AGBL4: variants seen among roughly 807,000 people sequenced by gnomAD.
The protein encoded by AGBL4 is cytosolic carboxypeptidase 6.
Under a neutral mutation model 66.4 loss-of-function variants are expected in AGBL4, and 58 were observed. The ratio of observed to expected loss-of-function variants is 0.87; its 90% confidence interval spans 0.71 to 1.09. The LOEUF is 1.09. Among genes scored for constraint, AGBL4 ranks in the 50% least tolerant of loss-of-function variants. AGBL4 has a pLI of 0.00. For synonymous variants in AGBL4, 234 were observed against 222.9 expected, an observed-to-expected ratio of 1.05 and a Z score of -0.44; for missense variants, 579 against 631.0, an observed-to-expected ratio of 0.92 and a Z score of 0.88.
chr1:49,015,282 G>C (rs1307016685), intron 5 of AGBL4, among the ~76,000 whole-genome samples: 1 of 152,042 alleles, frequency 6.6e-6, no homozygotes, highest in African/African-American at 2.4e-5. Flanking sequence ...GCTATCTAAA[G>C]CTGGGGGAAT....
chr1:49,338,332 A>AGCC (rs1450666045), intron 3 of AGBL4, among the ~76,000 whole-genome samples: 3 of 152,224 alleles, frequency 2.0e-5, no homozygotes, highest in Non-Finnish European at 4.4e-5. Context: ...AAATTTACTT[A>AGCC]TTAAGATAGA....
intron 2 of AGBL4, among the ~76,000 whole-genome samples, chr1:49,716,031 C>A (rs1383149483): frequency 2.6e-5 from 4 of 152,080 alleles, no homozygotes; most frequent in Non-Finnish European, 4.4e-5. Context: ...TTGCCCATGC[C>A]TATCTCTTGA....
rs888989959 is a variant in AGBL4, at chr1:49,442,076, C to A, written c.283-196212G>T. Among the ~76,000 whole-genome samples the A allele has an allele frequency of 8.5e-5, 13 of 152,076 alleles. 1 individual carries two copies. Among genetic ancestry groups the A allele is most frequent in the Admixed American group, 8.5e-4 (13 of 15,264 alleles). On this transcript the variant is annotated intron_variant, in intron 3 of 13. Coordinates refer to ENST00000371839, the MANE Select transcript of AGBL4 (RefSeq NM_032785.4). ...TGGTAGCAGATTTACTATAATGGAT[C>A]CAGTAGGAGATCCAGTGTTGTCTTA...
At chr1:49,038,824 T>C (rs1193990826) in intron 5 of AGBL4, among the ~76,000 whole-genome samples, 1 of 152,066 alleles carries the variant, frequency 6.6e-6, no homozygotes, top group Non-Finnish European at 1.5e-5. Flanking sequence ...ACTCTTACCA[T>C]ACAATCCAGC....
chr1:49,444,203 C>T (rs1244099335), intron 3 of AGBL4, among the ~76,000 whole-genome samples: 1 of 151,794 alleles, frequency 6.6e-6, no homozygotes, highest in Non-Finnish European at 1.5e-5. Flanking sequence ...GGAGAATGTT[C>T]CATATGTTGA....
intron 6 of AGBL4, among the ~76,000 whole-genome samples, chr1:48,712,135 C>A (rs1003748049): frequency 4.6e-5 from 7 of 152,220 alleles, no homozygotes; most frequent in African/African-American, 1.7e-4. Context: ...CTTCTCCCCC[C>A]AGGAAGGGGC....
intron 6 of AGBL4, among the ~76,000 whole-genome samples, chr1:48,665,663 G>A (rs1419626451): frequency 6.6e-6 from 1 of 152,084 alleles, no homozygotes; most frequent in Non-Finnish European, 1.5e-5. Context: ...AACAATATAA[G>A]ATTCCACTTC....
intron 3 of AGBL4, among the ~76,000 whole-genome samples, chr1:49,480,567 ATT>A (rs1370522474): frequency 1.3e-5 from 2 of 151,024 alleles, no homozygotes; most frequent in East Asian, 3.9e-4. Flanking sequence ...GTTTGCAAAT[ATT>A]TTCTTTCATT....
At chr1:48,911,316 A>G (rs1385805951) in intron 5 of AGBL4, among the ~76,000 whole-genome samples, 2 of 152,250 alleles carry the variant, frequency 1.3e-5, no homozygotes, top group South Asian at 4.1e-4. Flanking sequence ...TTGTCTATAA[A>G]TTAGAAATCA....
intron 1 of AGBL4, among the ~76,000 whole-genome samples, chr1:50,010,739 T>C (rs985828051): frequency 6.6e-6 from 1 of 152,164 alleles, no homozygotes; most frequent in Admixed American, 6.5e-5. Flanking sequence ...CTTCAGTAAA[T>C]GGTGCTAGGA....
intron 5 of AGBL4, among the ~76,000 whole-genome samples, chr1:48,960,688 G>A (rs1207565959): frequency 6.6e-6 from 1 of 152,100 alleles, no homozygotes; most frequent in Non-Finnish European, 1.5e-5. Context: ...AAAAGCTTCT[G>A]GTTTTATTAC....
intron 5 of AGBL4, among the ~76,000 whole-genome samples, chr1:49,007,911 C>A (rs576777043): frequency 1.3e-5 from 2 of 150,558 alleles, no homozygotes; most frequent in Non-Finnish European, 3.0e-5. Context: ...CAGTACCAGC[C>A]ACTGCAAAAT....
At chr1:48,729,774 G>A (rs1384740120) in intron 6 of AGBL4, among the ~76,000 whole-genome samples, 3 of 147,508 alleles carry the variant, frequency 2.0e-5, no homozygotes, top group Non-Finnish European at 4.4e-5. Context: ...TCTTTCCACC[G>A]AGAAGGGTTT....
At chr1:49,036,724 ATTT>A (rs35463441) in intron 5 of AGBL4, among the ~76,000 whole-genome samples, 10 of 139,336 alleles carry the variant, frequency 7.2e-5, no homozygotes, top group Admixed American at 7.2e-5. Context: ...TGCTCAGCTA[ATTT>A]TTTTTTTTTT....
intron 3 of AGBL4, among the ~76,000 whole-genome samples, chr1:49,289,023 G>C (rs1333733945): frequency 2.0e-5 from 3 of 151,982 alleles, no homozygotes; most frequent in African/African-American, 7.2e-5. Context: ...CACAGAGAGA[G>C]AGAGAGAGAA....
At chr1:48,955,040 G>C (rs1215219069) in intron 5 of AGBL4, among the ~76,000 whole-genome samples, 1 of 152,134 alleles carries the variant, frequency 6.6e-6, no homozygotes, top group Non-Finnish European at 1.5e-5. Context: ...AGAGGGATGA[G>C]AAGATTCAGA....
chr1:49,175,019 T>G (rs796665686), intron 4 of AGBL4: 5 of 152,220 alleles, frequency 3.3e-5, no homozygotes, highest in African/African-American at 1.2e-4. Context: ...AGGTTTGAAG[T>G]CATCCAAAAA....
chr1:49,149,251 T>C (rs183482392), intron 4 of AGBL4, among the ~76,000 whole-genome samples: 21 of 152,330 alleles, frequency 1.4e-4, no homozygotes, highest in Non-Finnish European at 1.0e-4. Context: ...TCTATCTTCT[T>C]TGAAGTCTTT....
intron 4 of AGBL4, among the ~76,000 whole-genome samples, chr1:49,135,801 A>G (rs1046843497): frequency 1.3e-5 from 2 of 152,172 alleles, no homozygotes; most frequent in African/African-American, 4.8e-5. Context: ...CGTTAGGGAC[A>G]TTATGAACAT....
Sources: allele counts gnomAD v4.1 joint callset (sites outside exome capture counted in the v4.1 genomes callset), GRCh38; gene constraint gnomAD v4.1.1; transcripts MANE v1.5; gene names NCBI Gene and HGNC (gene_info 2026-07-23, HGNC 2026-07-21).